Variants in TMEM101 observed in about 807,000 individuals in gnomAD.
The protein encoded by TMEM101 is putative NF-kappa-B-activating protein 130.
TMEM101 carries 14 observed loss-of-function variants against 26.0 expected under a neutral mutation model. That is an observed-to-expected ratio of 0.54 (90% confidence interval 0.36 to 0.84). The LOEUF is 0.84. Among genes scored for constraint, TMEM101 ranks in the 40% least tolerant of loss-of-function variants. TMEM101 has a pLI of 0.01. For missense variants in TMEM101, 292 were observed against 345.1 expected, an observed-to-expected ratio of 0.85 and a Z score of 1.22; for synonymous variants, 152 against 145.1, an observed-to-expected ratio of 1.05 and a Z score of -0.34.
At chr17:44,014,617 A>G in intron 1 of TMEM101, 80 bp from the exon 2 acceptor site, 2 of 1,532,888 alleles carry the variant, frequency 1.3e-6, no homozygotes, top group Non-Finnish European at 1.8e-6. Context: ...GAGTTCCCAC[A>G]GGCTCCACTG....
chr17:44,014,393 G>A lies in TMEM101; in HGVS notation c.282C>T (p.Tyr94=), dbSNP rs1380272536. The change falls in exon 2 of 4, where the codon TAC becomes TAT. Residue 94 remains tyrosine (Y), a synonymous_variant. Transcript: ENST00000206380. ...LQLAISTYAA[Y]IGGYVHYGDW... ...CCCCGTAGTGGACGTAGCCCCCGAT[G>A]TAGGCGGCGTAGGTGCTAATGGCCA... 3 of 1,554,470 alleles carry A rather than the reference G, an allele frequency of 1.9e-6. No individual in the cohort carries two copies. The highest frequency in any genetic ancestry group is 1.7e-4 in the Middle Eastern group (1 of 5,994).
At chr17:44,021,600 G>A (rs369236310) in intron 1 of TMEM101, among the ~76,000 whole-genome samples, 2 of 152,194 alleles carry the variant, frequency 1.3e-5, no homozygotes, top group East Asian at 3.8e-4. Flanking sequence ...TAGTGAGACC[G>A]TTTGCTACTG....
upstream of TMEM101, among the ~76,000 whole-genome samples, chr17:44,015,639 C>T (rs1345170637): frequency 6.6e-6 from 1 of 152,128 alleles, no homozygotes; most frequent in African/African-American, 2.4e-5. Flanking sequence ...GTGATCCGCC[C>T]GCCTCGGCCT....
intron 2 of TMEM101, among the ~76,000 whole-genome samples, chr17:44,014,142 A>G (rs1291096330): frequency 6.6e-6 from 1 of 152,140 alleles, no homozygotes; most frequent in Non-Finnish European, 1.5e-5. Flanking sequence ...TCCCATCTCT[A>G]GACCTCAGTT....
rs531649123 is a variant in TMEM101 at position 44,013,516 on chromosome 17, G to A, written c.319-361C>T. Among the ~76,000 whole-genome samples the A allele has an allele frequency of 9.2e-5, 14 of 152,188 alleles. 1 individual carries two copies. The highest frequency in any genetic ancestry group is 2.1e-4 in the South Asian group (1 of 4,802). On this transcript the variant is annotated intron_variant, in intron 2 of 3. Transcript: ENST00000206380. Reference sequence around the variant, plus strand: ...TCTACTGAAAATACAAAAATTAGTCGGGCGTGGGGAAGGGCGCCTGTAATC... The same window carrying A: ...TCTACTGAAAATACAAAAATTAGTCAGGCGTGGGGAAGGGCGCCTGTAATC...
At chr17:44,012,899 G>A in intron 3 of TMEM101, 110 bp downstream of exon 3, 4 of 1,250,274 alleles carry the variant, frequency 3.2e-6, no homozygotes, top group Non-Finnish European at 4.3e-6. Flanking sequence ...GGGCCATCAG[G>A]AACTGCACTC....
At chr17:44,021,090 T>C (rs1429142516) in intron 2 of TMEM101, among the ~76,000 whole-genome samples, 1 of 152,212 alleles carries the variant, frequency 6.6e-6, no homozygotes, top group African/African-American at 2.4e-5. Context: ...TGATGGACAC[T>C]GTACCCATAT....
chr17:44,015,375 CTTTT>C (rs1046171676), upstream of TMEM101, among the ~76,000 whole-genome samples: 4 of 68,256 alleles, frequency 5.9e-5, no homozygotes, highest in Admixed American at 2.1e-4. Flanking sequence ...GAGTTGTGAA[CTTTT>C]TTTTTCTTTT....
At chr17:44,016,080 T>C (rs1251798685), upstream of TMEM101, among the ~76,000 whole-genome samples, 6 of 151,936 alleles carry the variant, frequency 3.9e-5, no homozygotes, top group Admixed American at 1.3e-4. Context: ...TTTGAATCAC[T>C]TGGCACGGTG....
chr17:44,020,632 G>C (rs187163242), intron 2 of TMEM101, among the ~76,000 whole-genome samples: 52 of 152,318 alleles, frequency 3.4e-4, no homozygotes, highest in African/African-American at 1.1e-3. Context: ...TGAGGCAGGA[G>C]AGTCGCTTGA....
Position 44,012,180 on chromosome 17 carries a change from T to TG in TMEM101, c.521dup (p.Gly175ArgfsTer45). 1 of 1,614,164 alleles carries TG rather than the reference T, an allele frequency of 6.2e-7. No individual in the cohort carries two copies. The highest frequency in any genetic ancestry group is 8.5e-7 in the Non-Finnish European group (1 of 1,180,016). On this transcript the variant is annotated frameshift_variant, in exon 4 of 4. Transcript: ENST00000206380. LOFTEE classifies it high-confidence loss of function. ...ACAGCTGGATCATCAGCTCCCCTCC[T>TG]GGGAGATGGTTCAGATACGCCAGCC...
At chr17:44,021,049 C>T (rs967438432) in intron 2 of TMEM101, among the ~76,000 whole-genome samples, 1 of 152,196 alleles carries the variant, frequency 6.6e-6, no homozygotes, top group African/African-American at 2.4e-5. Flanking sequence ...GCTCCAATAG[C>T]TACAAGGTCA....
At chr17:44,012,838 T>G in intron 3 of TMEM101, 171 bp downstream of exon 3, 1 of 617,276 alleles carries the variant, frequency 1.6e-6, no homozygotes, top group South Asian at 5.0e-5. Context: ...CAACAGGCAT[T>G]TGGAGGGCCC....
chr17:44,019,416 G>T, upstream of TMEM101: 4 of 333,706 alleles, frequency 1.2e-5, no homozygotes, highest in South Asian at 9.7e-5. Context: ...ATGAAGCTTC[G>T]GCACAATCTA....
At chr17:44,019,345 GA>G (rs1167768255), upstream of TMEM101, 1 of 436,910 alleles carries the variant, frequency 2.3e-6, no homozygotes, top group Non-Finnish European at 4.6e-6. Flanking sequence ...ACCAGACTAG[GA>G]AACAACAGCC....
upstream of TMEM101, among the ~76,000 whole-genome samples, chr17:44,017,714 G>GT (rs1402178863): frequency 6.6e-6 from 1 of 150,604 alleles, no homozygotes; most frequent in Non-Finnish European, 1.5e-5. Flanking sequence ...AGTGAGCCAA[G>GT]TTCGCGCCAT....
chr17:44,014,423 G>T lies in TMEM101; in HGVS notation c.252C>A (p.Leu84=), dbSNP rs1006656856. 3.2e-6 allele frequency: 5 copies of T among 1,556,830 alleles called. No individual in the cohort carries two copies. The highest frequency in any genetic ancestry group is 4.3e-6 in the Non-Finnish European group (5 of 1,149,866). Residue 84 remains leucine (L), a synonymous_variant, in exon 2 of 4, where the codon CTC becomes CTA. Coordinates refer to ENST00000206380, the MANE Select transcript of TMEM101 (RefSeq NM_032376.4). ...KRRWFALGAA[L]QLAISTYAAY... is the part of the protein sequence containing the mutation. ...CGGCGTAGGTGCTAATGGCCAATTG[G>T]AGTGCGGCCCCCAGCGCGAACCAGC...
chr17:44,017,840 G>A (rs12449889), upstream of TMEM101, among the ~76,000 whole-genome samples: 11,628 of 151,892 alleles, frequency 0.077, 1,737 homozygotes, highest in East Asian at 0.62. Flanking sequence ...ATTTTAAACC[G>A]GCCACTAGGG....
upstream of TMEM101, among the ~76,000 whole-genome samples, chr17:44,019,785 A>G (rs1032701622): frequency 6.6e-6 from 1 of 152,232 alleles, no homozygotes; most frequent in Non-Finnish European, 1.5e-5. Flanking sequence ...TATAGATTAC[A>G]GATACAGGGT....
Sources: gnomAD v4.1 joint callset for allele counts (sites outside exome capture counted in the v4.1 genomes callset) on GRCh38, gnomAD v4.1.1 for gene constraint, MANE v1.5 for transcripts, NCBI Gene and HGNC (gene_info 2026-07-23, HGNC 2026-07-21) for gene names.